The following HYAL3 variants were observed in gnomAD, a reference collection of about 807,000 sequenced individuals.
HYAL3 encodes the protein hyaluronidase 3, also known as hyaluronidase-3.
A neutral mutation model predicts 29.6 loss-of-function variants in HYAL3; 25 were observed. The observed-to-expected ratio is 0.85, with a 90% confidence interval of 0.62 to 1.18. HYAL3 has a LOEUF of 1.18. Ranked by LOEUF, HYAL3 falls within the 50% of genes most tolerant of loss-of-function variation. The pLI, the probability that HYAL3 is intolerant of heterozygous loss-of-function variation, is 0.00. For synonymous variants in HYAL3, 215 were observed against 218.3 expected, an observed-to-expected ratio of 0.99 and a Z score of 0.13; for missense variants, 442 against 548.4, an observed-to-expected ratio of 0.81 and a Z score of 1.94.
chr3:50,298,340 TG>T (rs1329068590), intron 1 of HYAL3, among the ~76,000 whole-genome samples: 1 of 152,084 alleles, frequency 6.6e-6, no homozygotes, highest in African/African-American at 2.4e-5. Flanking sequence ...CTGGAGCCCA[TG>T]GCCCCCTTCC....
rs782565194 is a variant in HYAL3, at chr3:50,294,908, T to C, written c.695A>G (p.His232Arg). 59 of 1,587,834 alleles carry C rather than the reference T, an allele frequency of 3.7e-5. No homozygotes were observed. Among genetic ancestry groups the C allele is most frequent in the Non-Finnish European group, 4.1e-5 (48 of 1,161,532 alleles). Residue 232 changes from histidine to arginine, a missense_variant, in exon 2 of 4, where the codon CAT (histidine) becomes CGT (arginine). By Grantham distance (29) the His-to-Arg change is conservative (BLOSUM62 0). Coordinates refer to ENST00000336307, the MANE Select transcript of HYAL3 (RefSeq NM_003549.4). ...GGCACTGGAGGCGGCCCAGAGCCAA[T>C]GCAGTTGAGTGTTGCGGGCAAGGGT... is the stretch of plus-strand genomic sequence containing the variant. ...AATLARNTQL[H>R]WLWAASSALF...
chr3:50,295,232 G>T lies in HYAL3; in HGVS notation c.371C>A (p.Ala124Glu), dbSNP rs782297573. Residue 124 changes from alanine to glutamate, a missense_variant, in exon 2 of 4, where the codon GCA becomes GAA. Ala to Glu is a moderately radical substitution (Grantham distance 107, BLOSUM62 -1). Coordinates refer to ENST00000336307, the MANE Select transcript of HYAL3 (RefSeq NM_003549.4). ...HSLRPGFAGP[A>E]VLDWEEWCPL... Reference sequence around the variant, plus strand: ...ACACCACTCCTCCCAATCCAGCACTGCTGGGCCAGCAAAGCCAGGTCTCAG... The same window carrying T: ...ACACCACTCCTCCCAATCCAGCACTTCTGGGCCAGCAAAGCCAGGTCTCAG... 1 of 1,613,668 alleles carries T rather than the reference G, an allele frequency of 6.2e-7. No individual in the cohort carries two copies. Among genetic ancestry groups the T allele is most frequent in the African/African-American group, 1.3e-5 (1 of 74,944 alleles).
intron 1 of HYAL3, chr3:50,298,120 T>C: frequency 2.0e-6 from 2 of 983,870 alleles, no homozygotes; most frequent in Non-Finnish European, 2.4e-6. Context: ...GCAGACACTA[T>C]ACCCCCTGCT....
chr3:50,296,777 G>T (rs1701863410), intron 1 of HYAL3: 2 of 1,596,724 alleles, frequency 1.3e-6, no homozygotes, highest in South Asian at 2.3e-5. Context: ...GGGCAGCTTG[G>T]GCAGTCAGGT....
chr3:50,293,420 C>T lies in HYAL3; in HGVS notation c.1080G>A (p.Arg360=), dbSNP rs782422947. 1.9e-6 allele frequency: 3 copies of T among 1,613,684 alleles called. No homozygotes were observed. The South Asian group carries it at 3.3e-5, about 18-fold the overall frequency. The change falls in exon 4 of 4, where the codon CGG becomes CGA. Residue 360 remains arginine (R), a synonymous_variant. Coordinates refer to ENST00000336307, the MANE Select transcript of HYAL3 (RefSeq NM_003549.4). ...TRAAMACSHQ[R]CHGHGRCARR... is the part of the protein sequence containing the mutation. ...GGGCACAGCGCCCGTGGCCATGGCA[C>T]CGCTGGTGACTGCAGGCCATCGCTG...
At chr3:50,295,719 C>G in intron 1 of HYAL3, 100 bp from the exon 2 acceptor site, 3 of 1,042,628 alleles carry the variant, frequency 2.9e-6, no homozygotes, top group Non-Finnish European at 4.1e-6. Flanking sequence ...TCCTCCCCAT[C>G]CTTACAGGAG....
At position 50,297,016 on chromosome 3, in the gene HYAL3, G is replaced by A. The variant is rs782733079; in HGVS notation, c.-17-1397C>T. Reference sequence around the variant, plus strand: ...TCCATGAGGCGGCGGCCAAAGCCACGGCCCCTCAGGGCCCGGGCCACCACC... The same window carrying A: ...TCCATGAGGCGGCGGCCAAAGCCACAGCCCCTCAGGGCCCGGGCCACCACC... On this transcript the variant is annotated intron_variant, in intron 1 of 3. Transcript: ENST00000336307. This position sits in a 1 kb window ranked among gnomAD's most constrained non-coding sequence, Gnocchi z 4.3. 7.1e-6 allele frequency: 11 copies of A among 1,544,608 alleles called. No homozygotes were observed. Among genetic ancestry groups the A allele is most frequent in the South Asian group, 5.0e-5 (4 of 79,486 alleles).
Position 50,297,597 on chromosome 3 carries a change from G to T in HYAL3, c.-18+1616C>A. The T allele has an allele frequency of 6.7e-7, 1 of 1,487,668 alleles. No homozygotes were observed. Among genetic ancestry groups the T allele is most frequent in the Non-Finnish European group, 8.9e-7 (1 of 1,122,570 alleles). The allele number at this position is 1,487,668 out of a possible 1,614,324, so 92.2% of individuals were successfully genotyped here. A position where few individuals can be genotyped will look rare whatever the true frequency, so the allele number is the denominator to read the frequency against. ...GGTCACCTGCTGCTAGGTTGCAGGT[G>T]GCTCAGTGCCAGGCTGGAGGTTAAG... On this transcript the variant is annotated intron_variant, in intron 1 of 3. Transcript: ENST00000336307. The surrounding 1 kb of genome is among the most constrained non-coding windows in gnomAD (Gnocchi z 4.3).
Position 50,293,700 on chromosome 3 carries a change from C to T in HYAL3, c.916G>A (p.Gly306Ser), listed in dbSNP as rs1553710485. ...LSQDDLVQSI[G>S]VSAALGAAGV... ...GCTGCCCCTAGTGCTGCACTCACAC[C>T]AATGGACTGCACAAGGTCATCCTGG... Residue 306 changes from glycine to serine, a missense_variant, in exon 3 of 4, where the codon GGT (glycine) becomes AGT (serine). Transcript: ENST00000336307. 1.2e-6 allele frequency: 2 copies of T among 1,613,686 alleles called. No homozygotes were observed. The highest frequency in any genetic ancestry group is 1.7e-6 in the Non-Finnish European group (2 of 1,180,026).
In HYAL3 at chr3:50,294,882, G is replaced by T; in HGVS notation, c.721C>A (p.Leu241Ile). The T allele has an allele frequency of 6.4e-7, 1 of 1,560,320 alleles. No homozygotes were observed. The highest frequency in any genetic ancestry group is 1.4e-5 in the African/African-American group (1 of 73,960). Residue 241 changes from leucine to isoleucine, a missense_variant, in exon 2 of 4, where the codon CTC (leucine) becomes ATC (isoleucine). Leu to Ile is a conservative substitution (Grantham distance 5). Coordinates refer to ENST00000336307, the MANE Select transcript of HYAL3 (RefSeq NM_003549.4). ...LHWLWAASSALFPSIYLPPRL... is the reference protein window; with the variant it reads ...LHWLWAASSAIFPSIYLPPRL... Reference sequence around the variant, plus strand: ...GGTGGGAGGTAGATGCTGGGGAAGAGGGCACTGGAGGCGGCCCAGAGCCAA... The same window carrying T: ...GGTGGGAGGTAGATGCTGGGGAAGATGGCACTGGAGGCGGCCCAGAGCCAA...
At position 50,292,889 on chromosome 3, in the gene HYAL3, C is replaced by T. The variant is rs782421038; in HGVS notation, c.*357G>A. ...TGCAGACAACAGCTTAGCACTTTAC[C>T]GACCTTCGCCAAGATTTTTTGGGGC... is the stretch of plus-strand genomic sequence containing the variant. On this transcript the variant is annotated 3_prime_UTR_variant, in exon 4 of 4. Transcript: ENST00000336307. 3 of 1,492,470 alleles carry T rather than the reference C, an allele frequency of 2.0e-6. No homozygotes were observed. The South Asian group carries it at 3.4e-5, about 17-fold the overall frequency. 92.5% of individuals were successfully genotyped at this position (1,492,470 alleles called of 1,614,324 possible). A position where few individuals can be genotyped will look rare whatever the true frequency, so the allele number is the denominator to read the frequency against.
rs1701802407 is a variant in HYAL3, at chr3:50,295,337, G to A, written c.266C>T (p.Thr89Ile). ...GLYPYFGPRG[T>I]AHNGGIPQAL... ...CTGGGGGATGCCCCCATTGTGAGCTGTGCCCCTGGGTCCAAAGTAGGGATA... is the reference window on the plus strand; with the variant it reads ...CTGGGGGATGCCCCCATTGTGAGCTATGCCCCTGGGTCCAAAGTAGGGATA... Residue 89 changes from threonine (T) to isoleucine (I), a missense_variant, in exon 2 of 4, where the codon ACA becomes ATA. Coordinates refer to ENST00000336307, the MANE Select transcript of HYAL3 (RefSeq NM_003549.4). 1.2e-6 allele frequency: 2 copies of A among 1,614,056 alleles called. No individual in the cohort carries two copies. The highest frequency in any genetic ancestry group is 2.7e-5 in the African/African-American group (2 of 74,950).
chr3:50,293,119 A>C lies in HYAL3; in HGVS notation c.*127T>G, dbSNP rs782324161. On this transcript the variant is annotated 3_prime_UTR_variant, in exon 4 of 4. Coordinates refer to ENST00000336307, the MANE Select transcript of HYAL3 (RefSeq NM_003549.4). ...CCCCTTCTACCCCTCAGGGATTCCA[A>C]GGGAAGCGGGGTGTGTGCTTGGGAG... is the stretch of plus-strand genomic sequence containing the variant. 3.0e-5 allele frequency: 45 copies of C among 1,508,822 alleles called. 1 individual carries two copies. The South Asian group carries it at 5.1e-4, about 17-fold the overall frequency. 93.5% of individuals were successfully genotyped at this position (1,508,822 alleles called of 1,614,324 possible).
Position 50,299,088 on chromosome 3 carries a change from T to A in HYAL3, c.-18+125A>T, listed in dbSNP as rs1181904190. 3 of 1,603,244 alleles carry A rather than the reference T, an allele frequency of 1.9e-6. No individual in the cohort carries two copies. In the Admixed American group the frequency reaches 5.1e-5, roughly 27 times the overall value. Reference sequence around the variant, plus strand: ...GAGAGCTCGACTCTGTGGGCAGGTGTGGCTCGGCATGGTCTGGAAACGAAC... The same window carrying A: ...GAGAGCTCGACTCTGTGGGCAGGTGAGGCTCGGCATGGTCTGGAAACGAAC... On this transcript the variant is annotated intron_variant, in intron 1 of 3. Coordinates refer to ENST00000336307, the MANE Select transcript of HYAL3 (RefSeq NM_003549.4).
chr3:50,293,867 G>T, intron 2 of HYAL3, 146 bp from the exon 3 acceptor site: 1 of 741,230 alleles, frequency 1.3e-6, no homozygotes, highest in Non-Finnish European at 2.3e-6. Context: ...TGGTTTTAGA[G>T]GCGGGGTTTT....
rs782143194 is a variant in HYAL3 at position 50,297,001 on chromosome 3, G to A, written c.-17-1382C>T. 14 of 1,559,262 alleles carry A rather than the reference G, an allele frequency of 9.0e-6. No individual in the cohort carries two copies. Among genetic ancestry groups the A allele is most frequent in the Admixed American group, 4.1e-5 (2 of 49,370 alleles). On this transcript the variant is annotated intron_variant, in intron 1 of 3. Transcript: ENST00000336307. The surrounding 1 kb of genome is among the most constrained non-coding windows in gnomAD (Gnocchi z 4.3). ...AAGACCTCCAGGCCCTCCATGAGGC[G>A]GCGGCCAAAGCCACGGCCCCTCAGG...
Position 50,297,565 on chromosome 3 carries a change from G to A in HYAL3, c.-18+1648C>T, listed in dbSNP as rs1701905447. The A allele has an allele frequency of 6.7e-7, 1 of 1,498,400 alleles. No homozygotes were observed. Among genetic ancestry groups the A allele is most frequent in the Non-Finnish European group, 8.9e-7 (1 of 1,124,018 alleles). The allele number at this position is 1,498,400 out of a possible 1,614,324, so 92.8% of individuals were successfully genotyped here. On this transcript the variant is annotated intron_variant, in intron 1 of 3. Transcript: ENST00000336307. This position sits in a 1 kb window ranked among gnomAD's most constrained non-coding sequence, Gnocchi z 4.3. ...TCCAGGTTCAGCTGAGTCAGGCTGG[G>A]AGCCAAGGTCACCTGCTGCTAGGTT...
Position 50,299,201 on chromosome 3 carries a change from T to A in HYAL3, c.-18+12A>T, listed in dbSNP as rs1553711891. The A allele has an allele frequency of 6.2e-7, 1 of 1,614,034 alleles. No homozygotes were observed. The highest frequency in any genetic ancestry group is 1.1e-5 in the South Asian group (1 of 91,080). ...ACCTACAGGCAGCAAATGGGAAGGG[T>A]GCGGTACTGACATGTTGATGCTGGC... On this transcript the variant is annotated intron_variant, in intron 1 of 3. Transcript: ENST00000336307.
chr3:50,293,353 G>A lies in HYAL3; in HGVS notation c.1147C>T (p.Pro383Ser), dbSNP rs782051251. The stretch of plus-strand genomic sequence containing the variant: ...TTCCAATCTCCAAGGCTGCCGTCTG[G>A]CCACAGGTGTAGAAAGGCTTCCATC... ...GQMEAFLHLW[P>S]DGSLGDWKSF... Residue 383 changes from proline to serine, a missense_variant, in exon 4 of 4, where the codon CCA (proline) becomes TCA (serine). Transcript: ENST00000336307. The A allele has an allele frequency of 1.9e-6, 3 of 1,613,384 alleles. No homozygotes were observed. The highest frequency in any genetic ancestry group is 2.5e-6 in the Non-Finnish European group (3 of 1,180,044).
Sources: allele counts gnomAD v4.1 joint callset (sites outside exome capture counted in the v4.1 genomes callset), GRCh38; gene constraint gnomAD v4.1.1; non-coding constraint Gnocchi (gnomAD v3.1); transcripts MANE v1.5; gene names NCBI Gene and HGNC (gene_info 2026-07-23, HGNC 2026-07-21).